Variants in IMPG1 observed in about 807,000 individuals in gnomAD.
IMPG1 encodes the protein interphotoreceptor matrix proteoglycan of 150 kDa.
In IMPG1, 85 loss-of-function variants were observed where a neutral mutation model predicts 92.0. That is an observed-to-expected ratio of 0.92 (90% CI 0.78 to 1.11). The LOEUF is 1.11. IMPG1 is among the 50% of genes least tolerant of loss of function. IMPG1 has a pLI of 0.00. For missense variants in IMPG1, 1,022 were observed against 956.0 expected (o/e 1.07, Z -0.91); for synonymous variants, 367 against 334.1 (o/e 1.10, Z -1.08).
Position 76,003,940 on chromosome 6 carries a change from T to C in IMPG1, c.1146A>G (p.Gly382=). The C allele has an allele frequency of 6.2e-7, 1 of 1,611,760 alleles. No homozygotes were observed. Reference sequence around the variant, plus strand: ...TGTCAGGACCAAAGGCTGGCAGTGATCCAGCAATTTCTATGGGTAAAAAAT... The same window carrying C: ...TGTCAGGACCAAAGGCTGGCAGTGACCCAGCAATTTCTATGGGTAAAAAAT... ...GTIQFTDEIA[G]SLPAFGPDTQ... Residue 382 remains glycine (G), a synonymous_variant, in exon 11 of 17, where the codon GGA becomes GGG. Transcript: ENST00000369950.
At chr6:75,932,197 C>T (rs1404839139) in intron 14 of IMPG1, among the ~76,000 whole-genome samples, 2 of 152,352 alleles carry the variant, frequency 1.3e-5, no homozygotes, top group African/African-American at 2.4e-5. Context: ...ACTGGTCTCA[C>T]GGCCATCCCT....
intron 4 of IMPG1, among the ~76,000 whole-genome samples, chr6:76,032,503 A>G (rs1783668737): frequency 6.6e-6 from 1 of 152,194 alleles, no homozygotes; most frequent in South Asian, 2.1e-4. Flanking sequence ...AACAAAATAT[A>G]TGAGGATTTT....
intron 12 of IMPG1, among the ~76,000 whole-genome samples, chr6:75,967,306 C>G (rs1188253824): frequency 5.3e-5 from 8 of 152,128 alleles, no homozygotes; most frequent in Non-Finnish European, 1.5e-5. Context: ...TGTTGAAATC[C>G]TAACCCCCAA....
chr6:76,029,154 T>A (rs980702716), intron 4 of IMPG1, among the ~76,000 whole-genome samples: 1 of 152,184 alleles, frequency 6.6e-6, no homozygotes, highest in African/African-American at 2.4e-5. Context: ...TGACCTATGG[T>A]CAGTAAAGAA....
At chr6:75,969,731 AAAAC>A (rs56113426) in intron 12 of IMPG1, among the ~76,000 whole-genome samples, 9,983 of 151,720 alleles carry the variant, frequency 0.066, 366 homozygotes, top group South Asian at 0.088. Context: ...TCCATCTCAA[AAAAC>A]AAACAAACAA....
rs1783205392 is a variant in IMPG1 at position 76,012,595 on chromosome 6, G to C, written c.808-1371C>G. On this transcript the variant is annotated intron_variant, in intron 7 of 16. Coordinates refer to ENST00000369950, the MANE Select transcript of IMPG1 (RefSeq NM_001563.4). The stretch of plus-strand genomic sequence containing the variant: ...TGGGAGGCAAGAGAGACTGAGGAAG[G>C]GATAGTGGTTGAGTAGTGAAGCTTG... 2.0e-5 allele frequency among the ~76,000 whole-genome samples: 3 copies of C among 152,182 alleles called. No homozygotes were observed. The South Asian group carries it at 6.2e-4, about 32-fold the overall frequency.
rs751616903 is a variant in IMPG1, at chr6:75,950,889, T to A, written c.1497A>T (p.Pro499=). The A allele has an allele frequency of 6.2e-7, 1 of 1,613,752 alleles. No individual in the cohort carries two copies. The highest frequency in any genetic ancestry group is 8.5e-7 in the Non-Finnish European group (1 of 1,179,918). ...ATCGGCTGTCATCTGAAGATGCAGG[T>A]GGATGTGAAATTCCCAGAGCCAGTT... The part of the protein sequence containing the change: ...ISQLALGISH[P]PASSDDSRSS... The change falls in exon 13 of 17, where the codon CCA becomes CCT. Residue 499 remains proline, a synonymous_variant. Transcript: ENST00000369950.
chr6:76,008,404 C>G (rs776965455), intron 8 of IMPG1, among the ~76,000 whole-genome samples: 3 of 152,192 alleles, frequency 2.0e-5, no homozygotes, highest in Non-Finnish European at 4.4e-5. Context: ...GCCAAAGACA[C>G]TCTACACATG....
chr6:75,979,270 AC>A (rs1782589971), intron 12 of IMPG1, among the ~76,000 whole-genome samples: 1 of 152,176 alleles, frequency 6.6e-6, no homozygotes, highest in African/African-American at 2.4e-5. Context: ...AATAAGGCTG[AC>A]ATTGGAGCAA....
chr6:75,942,304 G>A (rs1781846977), intron 14 of IMPG1, among the ~76,000 whole-genome samples: 1 of 152,070 alleles, frequency 6.6e-6, no homozygotes, highest in Admixed American at 6.6e-5. Context: ...CAGCAGATTG[G>A]ATCATCATCA....
chr6:76,014,699 A>G (rs1783252051), intron 7 of IMPG1, among the ~76,000 whole-genome samples: 1 of 152,194 alleles, frequency 6.6e-6, no homozygotes, highest in African/African-American at 2.4e-5. Flanking sequence ...TGTTATATAC[A>G]TGAAAACAGT....
chr6:75,931,244 AT>A, intron 14 of IMPG1, 93 bp from the exon 15 acceptor site: 1 of 1,183,078 alleles, frequency 8.5e-7, no homozygotes, highest in Non-Finnish European at 1.2e-6. Context: ...TACATTTGCT[AT>A]TACCTCATTT....
intron 7 of IMPG1, among the ~76,000 whole-genome samples, chr6:76,012,208 T>C (rs1350730899): frequency 6.6e-6 from 1 of 152,176 alleles, no homozygotes; most frequent in Non-Finnish European, 1.5e-5. Flanking sequence ...TATAATATTT[T>C]ATAATTGCTG....
intron 12 of IMPG1, among the ~76,000 whole-genome samples, chr6:75,970,331 TC>T (rs1782389166): frequency 6.6e-6 from 1 of 151,830 alleles, no homozygotes; most frequent in Non-Finnish European, 1.5e-5. Flanking sequence ...AATTCAAACT[TC>T]TTTTTTTTTT....
chr6:75,965,243 ATG>A (rs1344339323), intron 12 of IMPG1, among the ~76,000 whole-genome samples: 1 of 152,220 alleles, frequency 6.6e-6, no homozygotes, highest in Non-Finnish European at 1.5e-5. Flanking sequence ...TGGTAGCCGT[ATG>A]TTAAATTTCT....
chr6:75,955,746 T>C (rs1013564266), intron 12 of IMPG1, among the ~76,000 whole-genome samples: 9 of 152,218 alleles, frequency 5.9e-5, no homozygotes, highest in African/African-American at 2.2e-4. Flanking sequence ...TTGTCATTAA[T>C]AGCTCTTATT....
chr6:75,974,368 TTTC>T (rs1393517015), intron 12 of IMPG1, among the ~76,000 whole-genome samples: 1,948 of 111,042 alleles, frequency 0.018, 38 homozygotes, highest in East Asian at 0.029. Flanking sequence ...TCTTTCTTTC[TTTC>T]TTTCTTTCTT....
intron 1 of IMPG1, among the ~76,000 whole-genome samples, chr6:76,054,217 T>G (rs1784084946): frequency 6.6e-6 from 1 of 152,124 alleles, no homozygotes; most frequent in African/African-American, 2.4e-5. Flanking sequence ...AATGAGAAAA[T>G]AGATGTTACT....
At chr6:76,021,810 T>TTA (rs1329014172) in intron 6 of IMPG1, among the ~76,000 whole-genome samples, 74 of 90,730 alleles carry the variant, frequency 8.2e-4, no homozygotes, top group East Asian at 1.6e-3. Context: ...TATGGTTTTG[T>TTA]TATATATATA....
Sources: allele counts gnomAD v4.1 joint callset (sites outside exome capture counted in the v4.1 genomes callset), GRCh38; gene constraint gnomAD v4.1.1; transcripts MANE v1.5; gene names NCBI Gene and HGNC (gene_info 2026-07-23, HGNC 2026-07-21).